Variants in NAV2 observed in about 807,000 individuals in gnomAD.
NAV2 encodes the protein neuron navigator 2, also known as helicase, APC down-regulated 1.
Under a neutral mutation model 223.2 loss-of-function variants are expected in NAV2, and 54 were observed. That is an observed-to-expected ratio of 0.24 (90% CI 0.19 to 0.30). The LOEUF is 0.30. Among genes scored for constraint, NAV2 ranks in the 10% least tolerant of loss-of-function variants. NAV2 has a pLI of 1.00. For missense variants in NAV2, 2,806 were observed against 3,147.5 expected (o/e 0.89, Z 2.60); for synonymous variants, 1,279 against 1,239.3 (o/e 1.03, Z -0.67).
intron 11 of NAV2, among the ~76,000 whole-genome samples, chr11:20,032,318 T>C (rs534965531): frequency 1.3e-5 from 2 of 152,310 alleles, no homozygotes; most frequent in South Asian, 4.1e-4. Flanking sequence ...AGGCTTCCTG[T>C]CAACTCAGGG....
At chr11:19,387,972 T>G (rs935737611) in intron 1 of NAV2, among the ~76,000 whole-genome samples, 1 of 152,180 alleles carries the variant, frequency 6.6e-6, no homozygotes, top group Non-Finnish European at 1.5e-5. Context: ...TGTGAGCTTG[T>G]GAGAAATGTA....
intron 17 of NAV2, among the ~76,000 whole-genome samples, chr11:20,052,135 G>GC (rs1201524292): frequency 2.0e-5 from 3 of 152,224 alleles, no homozygotes; most frequent in Non-Finnish European, 4.4e-5. Context: ...ATGCCCTGTA[G>GC]CATCAGCTTC....
chr11:19,764,573 T>G (rs1270454535), intron 1 of NAV2, among the ~76,000 whole-genome samples: 1 of 152,188 alleles, frequency 6.6e-6, no homozygotes, highest in African/African-American at 2.4e-5. Flanking sequence ...AATGGAGAAT[T>G]TTTTCCTTAT....
At position 19,632,397 on chromosome 11, in the gene NAV2, A is replaced by C. The variant is rs4757831; in HGVS notation, c.76-200087A>C. On this transcript the variant is annotated intron_variant, in intron 1 of 37. Coordinates refer to the NAV2 transcript ENST00000360655. ...CATATTTATTGGGTTTGTCCAAATG[A>C]AATAATGTTCATGTCTGCGCTTTGC... Among the ~76,000 whole-genome samples the C allele has an allele frequency of 4.3e-3, 648 of 152,318 alleles. 15 individuals are homozygous for C. Among genetic ancestry groups the C allele is most frequent in the Admixed American group, 0.036 (546 of 15,306 alleles).
At chr11:19,420,919 A>G (rs1175654942) in intron 1 of NAV2, among the ~76,000 whole-genome samples, 1 of 152,220 alleles carries the variant, frequency 6.6e-6, no homozygotes, top group Non-Finnish European at 1.5e-5. Flanking sequence ...AAGGAAAACA[A>G]AACAGAACTC....
intron 1 of NAV2, among the ~76,000 whole-genome samples, chr11:19,813,094 A>C (rs781731731): frequency 6.6e-6 from 1 of 152,198 alleles, no homozygotes; most frequent in Non-Finnish European, 1.5e-5. Context: ...TCTTCTTTGC[A>C]GGAGTGAGAC....
intron 1 of NAV2, among the ~76,000 whole-genome samples, chr11:19,551,321 G>A (rs78853470): frequency 0.025 from 3,874 of 152,356 alleles, 168 homozygotes; most frequent in African/African-American, 0.088. Flanking sequence ...TCAGGACCAC[G>A]TATTTTCTTC....
intron 1 of NAV2, among the ~76,000 whole-genome samples, chr11:19,774,071 T>C (rs1565291450): frequency 6.6e-6 from 1 of 152,224 alleles, no homozygotes; most frequent in South Asian, 2.1e-4. Context: ...TTGCACATGC[T>C]ATTCCACCTT....
intron 1 of NAV2, among the ~76,000 whole-genome samples, chr11:19,405,915 C>A (rs1168423742): frequency 6.6e-6 from 1 of 152,148 alleles, no homozygotes; most frequent in Admixed American, 6.5e-5. Flanking sequence ...TCATAGTCAT[C>A]GCCCATAATT....
intron 1 of NAV2, among the ~76,000 whole-genome samples, chr11:19,410,540 G>A (rs144897393): frequency 1.3e-5 from 2 of 152,288 alleles, no homozygotes; most frequent in East Asian, 3.9e-4. Flanking sequence ...GAACCCAGGG[G>A]ATTTGGCTCT....
intron 1 of NAV2, among the ~76,000 whole-genome samples, chr11:19,728,326 G>A (rs548346217): frequency 1.3e-5 from 2 of 152,318 alleles, no homozygotes; most frequent in South Asian, 4.1e-4. Context: ...CCAGCCGTGT[G>A]TAGAATTGTC....
chr11:19,577,110 T>C (rs2045592583), intron 1 of NAV2, among the ~76,000 whole-genome samples: 2 of 152,244 alleles, frequency 1.3e-5, no homozygotes, highest in South Asian at 4.1e-4. Context: ...ATAATGCCAC[T>C]GTTTGGTAAA....
intron 1 of NAV2, among the ~76,000 whole-genome samples, chr11:19,652,463 G>C (rs1423002406): frequency 6.6e-6 from 1 of 152,180 alleles, no homozygotes; most frequent in African/African-American, 2.4e-5. Flanking sequence ...AGGAATCAAG[G>C]CTTCCCCCAG....
At chr11:19,429,140 C>A (rs10833110) in intron 1 of NAV2, among the ~76,000 whole-genome samples, 46,464 of 152,152 alleles carry the variant, frequency 0.31, 7,637 homozygotes, top group South Asian at 0.44. Context: ...GAGTCTTCTG[C>A]TTCTCTTGCC....
At chr11:20,065,118 C>T (rs543555013) in intron 20 of NAV2, among the ~76,000 whole-genome samples, 2 of 152,370 alleles carry the variant, frequency 1.3e-5, no homozygotes, top group South Asian at 4.1e-4. Context: ...TGGCTAGACT[C>T]TGCTACCGCC....
chr11:19,489,324 T>G (rs1199828797), intron 1 of NAV2, among the ~76,000 whole-genome samples: 1 of 152,224 alleles, frequency 6.6e-6, no homozygotes, highest in African/African-American at 2.4e-5. Context: ...AGAAGGGCAA[T>G]GTGAAAATTG....
At chr11:19,709,386 C>G (rs1565185407), upstream of NAV2, among the ~76,000 whole-genome samples, 1 of 151,314 alleles carries the variant, frequency 6.6e-6, no homozygotes, top group East Asian at 2.0e-4. Flanking sequence ...ACTAAAAATA[C>G]AAAAAATTAG....
intron 1 of NAV2, among the ~76,000 whole-genome samples, chr11:19,398,239 A>G (rs1849542915): frequency 6.6e-6 from 1 of 152,134 alleles, no homozygotes; most frequent in Non-Finnish European, 1.5e-5. Flanking sequence ...GGAAAGCAGG[A>G]GCAAGAGAGA....
intron 1 of NAV2, among the ~76,000 whole-genome samples, chr11:19,741,687 GTATATATATATATA>G (rs1156844957): frequency 0.044 from 928 of 21,046 alleles, 9 homozygotes; most frequent in Admixed American, 0.15. Flanking sequence ...GTGTGTGTGT[GTATATATATATATA>G]TATATATATA....
Sources: gnomAD v4.1 joint callset for allele counts (sites outside exome capture counted in the v4.1 genomes callset) on GRCh38, gnomAD v4.1.1 for gene constraint, MANE v1.5 for transcripts, NCBI Gene and HGNC (gene_info 2026-07-23, HGNC 2026-07-21) for gene names.